The following ESCO2 variants were observed in gnomAD, a reference collection of about 807,000 sequenced individuals.
ESCO2 encodes establishment of sister chromatid cohesion N-acetyltransferase 2.
ESCO2 carries 51 observed loss-of-function variants against 61.7 expected under a neutral mutation model. That is an observed-to-expected ratio of 0.83 (90% CI 0.66 to 1.04). ESCO2 has a LOEUF of 1.04. ESCO2 is among the 50% of genes least tolerant of loss of function. ESCO2 has a pLI of 0.00. For missense variants in ESCO2, 692 were observed against 686.2 expected (o/e 1.01, Z -0.09); for synonymous variants, 230 against 238.2 (o/e 0.97, Z 0.32).
upstream of ESCO2, chr8:27,772,725 G>A (rs1236276793): frequency 8.3e-6 from 5 of 600,370 alleles, no homozygotes; most frequent in Non-Finnish European, 1.5e-5. Context: ...GCGAAGTGTA[G>A]TGGCAAGGAG....
the ESCO2 span, among the ~76,000 whole-genome samples, chr8:27,818,740 CT>C: frequency 1.3e-5 from 2 of 151,214 alleles, no homozygotes; most frequent in African/African-American, 2.4e-5. Context: ...ATATAGAATT[CT>C]TTTTTTTTAA....
chr8:27,796,803 G>A (rs2128957007), intron 9 of ESCO2, among the ~76,000 whole-genome samples: 1 of 152,236 alleles, frequency 6.6e-6, no homozygotes, highest in South Asian at 2.1e-4. Flanking sequence ...TTTCTGTTAG[G>A]TCCATTAGGT....
At chr8:27,788,539 C>G (rs66616541) in intron 6 of ESCO2, among the ~76,000 whole-genome samples, 3 of 147,494 alleles carry the variant, frequency 2.0e-5, no homozygotes, top group Non-Finnish European at 3.0e-5. Context: ...TTTCCCCCCC[C>G]AAAGAGATGG....
intron 5 of ESCO2, 28 bp downstream of exon 5, chr8:27,784,085 A>G (rs1190153442): frequency 1.9e-6 from 3 of 1,603,490 alleles, no homozygotes; most frequent in Non-Finnish European, 2.6e-6. Context: ...TTTAAAGTCC[A>G]AGCCTTGTAA....
chr8:27,791,022 T>C (rs1307974235), intron 7 of ESCO2, among the ~76,000 whole-genome samples: 1 of 152,212 alleles, frequency 6.6e-6, no homozygotes, highest in Non-Finnish European at 1.5e-5. Context: ...GCCTATCACA[T>C]TCCCCCCAAA....
In ESCO2 at chr8:27,800,533, G is replaced by A. The variant is rs555882294; in HGVS notation, c.1673+817G>A. On this transcript the variant is annotated intron_variant, in intron 10 of 10. Transcript: ENST00000305188. ...ATTGCTGGTAGGAATGTAAACTGGT[G>A]CAGTTGGTGTGGAATACAATCTGAT... Among the ~76,000 whole-genome samples the A allele has an allele frequency of 2.6e-5, 4 of 152,286 alleles. No homozygotes were observed. The South Asian group carries it at 8.3e-4, about 32-fold the overall frequency.
At chr8:27,817,611 G>A (rs1349485587), downstream of ESCO2, among the ~76,000 whole-genome samples, 2 of 151,550 alleles carry the variant, frequency 1.3e-5, no homozygotes, top group Admixed American at 6.6e-5. Context: ...AGTTTTGCAG[G>A]AAATAATATA....
chr8:27,796,078 G>A (rs1222987380), intron 9 of ESCO2, among the ~76,000 whole-genome samples: 1 of 147,524 alleles, frequency 6.8e-6, no homozygotes, highest in Non-Finnish European at 1.5e-5. Context: ...GCTTTCCTAT[G>A]ATGCAAGTTT....
At chr8:27,773,558 C>A (rs1323838586), upstream of ESCO2, 4 of 151,760 alleles carry the variant, frequency 2.6e-5, no homozygotes, top group Admixed American at 1.3e-4. Flanking sequence ...TTGCCTCAGC[C>A]TTTTCCTTTT....
At chr8:27,812,796 C>T (rs1167870545), downstream of ESCO2, among the ~76,000 whole-genome samples, 5 of 152,044 alleles carry the variant, frequency 3.3e-5, no homozygotes, top group Admixed American at 3.3e-4. Context: ...GTTAGAATGG[C>T]AATCATTAAA....
chr8:27,778,942 G>A (rs1363147407), intron 3 of ESCO2: 1 of 152,282 alleles, frequency 6.6e-6, no homozygotes, highest in East Asian at 1.9e-4. Context: ...TTGAGATGGA[G>A]TCTCACTCCG....
In ESCO2 at chr8:27,803,186, A is replaced by AT. The variant is rs567504901; in HGVS notation, c.1674-114dup. 3.2e-4 allele frequency: 282 copies of AT among 879,022 alleles called. 1 individual carries two copies. Among genetic ancestry groups the AT allele is most frequent in the Middle Eastern group, 7.0e-4 (3 of 4,294 alleles). The allele number at this position is 879,022 out of a possible 1,614,324, so 54.5% of individuals were successfully genotyped here. On this transcript the variant is annotated intron_variant, in intron 10 of 10. Transcript: ENST00000305188. ...GACTTCTGTCTCTAAAATATAAGGC[A>AT]TTTTTTCACTTACTAAAAATAAGGT...
At chr8:27,789,806 A>G (rs1300111825) in intron 7 of ESCO2, among the ~76,000 whole-genome samples, 1 of 151,490 alleles carries the variant, frequency 6.6e-6, no homozygotes, top group African/African-American at 2.4e-5. Context: ...AAAGCCATAG[A>G]TGAAACATAA....
chr8:27,792,333 T>C (rs1805195918), intron 8 of ESCO2, among the ~76,000 whole-genome samples: 1 of 152,154 alleles, frequency 6.6e-6, no homozygotes, highest in Non-Finnish European at 1.5e-5. Context: ...ATTTCTTATA[T>C]TGGTGTTGCT....
rs149757157 is a variant in ESCO2, at chr8:27,781,964, G to A, written c.955+1697G>A. On this transcript the variant is annotated intron_variant, in intron 4 of 10. Coordinates refer to ENST00000305188, the MANE Select transcript of ESCO2 (RefSeq NM_001017420.3). The stretch of plus-strand genomic sequence containing the variant: ...CTATTAATGTTTTCTTTCTGTCCCA[G>A]TATCCATTCCAAGGTACTATATTAC... Among the ~76,000 whole-genome samples the A allele has an allele frequency of 2.2e-3, 329 of 152,232 alleles. 2 individuals are homozygous for A. Among genetic ancestry groups the A allele is most frequent in the African/African-American group, 7.7e-3 (320 of 41,520 alleles).
At position 27,792,180 on chromosome 8, in the gene ESCO2, C is replaced by T. The variant is rs938250326; in HGVS notation, c.1353+128C>T. On this transcript the variant is annotated intron_variant, in intron 8 of 10. Coordinates refer to ENST00000305188, the MANE Select transcript of ESCO2 (RefSeq NM_001017420.3). ...ACCTGCTTAATGATTACTTTCATAG[C>T]AATTTATACAAAACTAAGAATTGTA... 4 of 852,374 alleles carry T rather than the reference C, an allele frequency of 4.7e-6. No homozygotes were observed. In the African/African-American group the frequency reaches 5.0e-5, roughly 11 times the overall value. The allele number at this position is 852,374 out of a possible 1,614,324, so 52.8% of individuals were successfully genotyped here.
Position 27,803,919 on chromosome 8 carries a change from T to A in ESCO2, c.*481T>A, listed in dbSNP as rs80050409. ...GAATTCCTGAATTTTTTTTTTTTTT[T>A]AATAGAGGCATGGGTCTCACTGTGT... is the stretch of plus-strand genomic sequence containing the variant. On this transcript the variant is annotated 3_prime_UTR_variant, in exon 11 of 11. Transcript: ENST00000305188. The A allele has an allele frequency of 7.2e-6, 7 of 977,540 alleles. No homozygotes were observed. The Admixed American group carries it at 3.0e-4, about 41-fold the overall frequency. The allele number at this position is 977,540 out of a possible 1,614,324, so 60.6% of individuals were successfully genotyped here. A position where few individuals can be genotyped will look rare whatever the true frequency, so the allele number is the denominator to read the frequency against.
intron 4 of ESCO2, among the ~76,000 whole-genome samples, chr8:27,780,811 C>T (rs1340517804): frequency 1.3e-5 from 2 of 152,056 alleles, no homozygotes; most frequent in East Asian, 3.8e-4. Flanking sequence ...CTAATTTATG[C>T]TGTCAGTGTT....
chr8:27,803,841 A>G lies in ESCO2; in HGVS notation c.*403A>G, dbSNP rs1405276826. 1 of 990,288 alleles carries G rather than the reference A, an allele frequency of 1.0e-6. No individual in the cohort carries two copies. The highest frequency in any genetic ancestry group is 1.2e-6 in the Non-Finnish European group (1 of 833,570). 61.3% of individuals were successfully genotyped at this position (990,288 alleles called of 1,614,324 possible). On this transcript the variant is annotated 3_prime_UTR_variant, in exon 11 of 11. Coordinates refer to ENST00000305188, the MANE Select transcript of ESCO2 (RefSeq NM_001017420.3). ...GATTATCTAATGCCACATCAGAAGCAAACAGGCAAATTTAAACTTGGGCAA... is the reference window on the plus strand; with the variant it reads ...GATTATCTAATGCCACATCAGAAGCGAACAGGCAAATTTAAACTTGGGCAA...
Sources: allele counts gnomAD v4.1 joint callset (sites outside exome capture counted in the v4.1 genomes callset), GRCh38; gene constraint gnomAD v4.1.1; transcripts MANE v1.5; gene names NCBI Gene and HGNC (gene_info 2026-07-23, HGNC 2026-07-21).